TMEM11: variants seen among roughly 807,000 people sequenced by gnomAD.
TMEM11 encodes the protein transmembrane protein 11, also known as transmembrane protein 11, mitochondrial.
In TMEM11, 1 loss-of-function variant was observed where a neutral mutation model predicts 17.0. That is an observed-to-expected ratio of 0.06 (90% CI 0.02 to 0.28). The LOEUF (loss-of-function observed/expected upper bound fraction) is 0.28. Among genes scored for constraint, TMEM11 ranks in the 10% least tolerant of loss-of-function variants. The probability of loss-of-function intolerance (pLI) is 1.00; values close to 1 mark genes in which losing one functional copy is unlikely to be tolerated. For missense variants in TMEM11, 172 were observed against 252.9 expected, an observed-to-expected ratio of 0.68 and a Z score of 2.17; for synonymous variants, 122 against 118.1, an observed-to-expected ratio of 1.03 and a Z score of -0.21.
intron 1 of TMEM11, among the ~76,000 whole-genome samples, chr17:21,207,034 A>C (rs1974949583): frequency 6.6e-6 from 1 of 152,120 alleles, no homozygotes; most frequent in Non-Finnish European, 1.5e-5. Flanking sequence ...CCAGCCCTCC[A>C]CAACCACCAG....
intron 1 of TMEM11, among the ~76,000 whole-genome samples, chr17:21,212,140 G>A (rs985031222): frequency 2.0e-5 from 3 of 152,150 alleles, no homozygotes; most frequent in Non-Finnish European, 4.4e-5. Context: ...CCTGGCTAGG[G>A]GTTTACAGCA....
At position 21,198,181 on chromosome 17, in the gene TMEM11, C is replaced by T. The variant is rs930553677; in HGVS notation, c.*143G>A. On this transcript the variant is annotated 3_prime_UTR_variant, in exon 2 of 2. Transcript: ENST00000317635. This position sits in a 1 kb window ranked among gnomAD's most constrained non-coding sequence, Gnocchi z 6.5. ...TGAGCTGAAAAACCCTGGGTACACC[C>T]GTGATCTGTTATTTTTTAAAAATAA... 2.1e-4 allele frequency: 235 copies of T among 1,095,906 alleles called. No individual in the cohort carries two copies. The highest frequency in any genetic ancestry group is 7.5e-5 in the Admixed American group (3 of 40,174). The allele number at this position is 1,095,906 out of a possible 1,614,324, so 67.9% of individuals were successfully genotyped here. A position where few individuals can be genotyped will look rare whatever the true frequency, so the allele number is the denominator to read the frequency against.
intron 1 of TMEM11, chr17:21,213,882 C>T (rs545319875): frequency 1.9e-5 from 11 of 578,448 alleles, no homozygotes; most frequent in African/African-American, 1.4e-4. Context: ...CCGGCTAACG[C>T]CCCTTCCCCT....
At chr17:21,206,811 T>C (rs1033936399) in intron 1 of TMEM11, among the ~76,000 whole-genome samples, 2 of 152,172 alleles carry the variant, frequency 1.3e-5, no homozygotes, top group Admixed American at 1.3e-4. Context: ...TGAGCCACCA[T>C]GCCTGGCCTG....
At chr17:21,209,791 C>A (rs1419576150) in intron 1 of TMEM11, among the ~76,000 whole-genome samples, 1 of 152,070 alleles carries the variant, frequency 6.6e-6, no homozygotes, top group Non-Finnish European at 1.5e-5. Flanking sequence ...ATAAATGAAA[C>A]CTCAGTTCCT....
chr17:21,202,918 G>A (rs1018358590), intron 1 of TMEM11, among the ~76,000 whole-genome samples: 4 of 152,200 alleles, frequency 2.6e-5, no homozygotes, highest in Admixed American at 6.5e-5. Context: ...CCATGGCCCC[G>A]GCCTCCTGCA....
intron 1 of TMEM11, among the ~76,000 whole-genome samples, chr17:21,209,709 C>T (rs887488200): frequency 1.3e-5 from 2 of 152,132 alleles, no homozygotes; most frequent in Non-Finnish European, 2.9e-5. Flanking sequence ...ACGGAGGTTG[C>T]AGAGATCCGA....
chr17:21,204,452 A>T (rs1324844624), intron 1 of TMEM11, among the ~76,000 whole-genome samples: 1 of 151,654 alleles, frequency 6.6e-6, no homozygotes, highest in Admixed American at 6.6e-5. Flanking sequence ...AAAAAAAAAA[A>T]AAAAAAAGAG....
At position 21,198,848 on chromosome 17, in the gene TMEM11, T is replaced by C; in HGVS notation, c.63-8A>G. On this transcript the variant is annotated splice_polypyrimidine_tract_variant and splice_region_variant and intron_variant, in intron 1 of 1. Coordinates refer to ENST00000317635, the MANE Select transcript of TMEM11 (RefSeq NM_003876.3). This position sits in a 1 kb window ranked among gnomAD's most constrained non-coding sequence, Gnocchi z 6.5. ...GTGGCCGACAAGCTCACCCTTTTGA[T>C]GGAGGGGGCAGGAAAGGGAGAGAGA... is the stretch of plus-strand genomic sequence containing the variant. The C allele has an allele frequency of 6.2e-7, 1 of 1,603,326 alleles. No homozygotes were observed. Among genetic ancestry groups the C allele is most frequent in the Non-Finnish European group, 8.5e-7 (1 of 1,173,408 alleles).
In TMEM11 at chr17:21,198,914, G is replaced by A; in HGVS notation, c.63-74C>T. 6.6e-7 allele frequency: 1 copy of A among 1,516,324 alleles called. No individual in the cohort carries two copies. Among genetic ancestry groups the A allele is most frequent in the Non-Finnish European group, 8.9e-7 (1 of 1,127,522 alleles). The allele number at this position is 1,516,324 out of a possible 1,614,324, so 93.9% of individuals were successfully genotyped here. ...ATTAGGCTGAGGAGCACTTAACTGT[G>A]TTTCAGCGCTGGGGGAGGTCTGAGC... On this transcript the variant is annotated intron_variant, in intron 1 of 1. Coordinates refer to ENST00000317635, the MANE Select transcript of TMEM11 (RefSeq NM_003876.3). The surrounding 1 kb of genome is among the most constrained non-coding windows in gnomAD (Gnocchi z 6.5).
At position 21,205,791 on chromosome 17, in the gene TMEM11, A is replaced by G. The variant is rs867160443; in HGVS notation, c.63-6951T>C. On this transcript the variant is annotated intron_variant, in intron 1 of 1. Transcript: ENST00000317635. ...TATACAAGTACTTCATACAAGTTGGATCATATATAGTATATGCCCTTTTGT... is the reference window on the plus strand; with the variant it reads ...TATACAAGTACTTCATACAAGTTGGGTCATATATAGTATATGCCCTTTTGT... Among the ~76,000 whole-genome samples the G allele has an allele frequency of 7.9e-5, 12 of 152,038 alleles. 1 individual carries two copies. Among genetic ancestry groups the G allele is most frequent in the Middle Eastern group, 6.8e-3 (2 of 292 alleles).
intron 1 of TMEM11, among the ~76,000 whole-genome samples, chr17:21,205,637 C>T (rs1224133329): frequency 6.6e-6 from 1 of 152,032 alleles, no homozygotes; most frequent in Non-Finnish European, 1.5e-5. Flanking sequence ...CAACCATCAC[C>T]ACCATCCACC....
chr17:21,205,386 G>A lies in TMEM11; in HGVS notation c.63-6546C>T, dbSNP rs372172828. On this transcript the variant is annotated intron_variant, in intron 1 of 1. Transcript: ENST00000317635. ...TTCTAAGGCGGCAGAGCTCAGGGAC[G>A]TGCCACTGAAAGCCAACTATAAGGA... Among the ~76,000 whole-genome samples, 9 of 152,152 alleles carry A rather than the reference G, an allele frequency of 5.9e-5. 1 individual carries two copies. The highest frequency in any genetic ancestry group is 1.4e-4 in the African/African-American group (6 of 41,436).
rs370316358 is a variant in TMEM11, at chr17:21,198,177, C to T, written c.*147G>A. ...GTAATGAGCTGAAAAACCCTGGGTA[C>T]ACCCGTGATCTGTTATTTTTTAAAA... On this transcript the variant is annotated 3_prime_UTR_variant, in exon 2 of 2. Coordinates refer to ENST00000317635, the MANE Select transcript of TMEM11 (RefSeq NM_003876.3). The surrounding 1 kb of genome is among the most constrained non-coding windows in gnomAD (Gnocchi z 6.5). The T allele has an allele frequency of 4.2e-5, 44 of 1,040,526 alleles. No individual in the cohort carries two copies. The African/African-American group carries it at 4.7e-4, about 11-fold the overall frequency. 64.5% of individuals were successfully genotyped at this position (1,040,526 alleles called of 1,614,324 possible). A position where few individuals can be genotyped will look rare whatever the true frequency, so the allele number is the denominator to read the frequency against.
At chr17:21,213,414 T>C (rs1160646516) in intron 1 of TMEM11, 2 of 152,260 alleles carry the variant, frequency 1.3e-5, no homozygotes, top group African/African-American at 4.8e-5. Context: ...TGGAGGTCCC[T>C]GTTGGAAGAA....
At chr17:21,209,308 C>G (rs948217299) in intron 1 of TMEM11, among the ~76,000 whole-genome samples, 4 of 152,226 alleles carry the variant, frequency 2.6e-5, no homozygotes, top group African/African-American at 9.7e-5. Context: ...GGGCAAAACA[C>G]CCGGCCCCTC....
chr17:21,203,230 A>C (rs1256958556), intron 1 of TMEM11, among the ~76,000 whole-genome samples: 1 of 152,170 alleles, frequency 6.6e-6, no homozygotes, highest in Non-Finnish European at 1.5e-5. Context: ...ACACAGACGC[A>C]CCCAAAGCCG....
rs899963166 is a variant in TMEM11, at chr17:21,198,522, C to T, written c.381G>A (p.Gln127=). Reference sequence around the variant, plus strand: ...CTTGGTACTTGCAGCAAGGGTCAAACTGCCAGGAGATCCCATAGAGGGTGC... The same window carrying T: ...CTTGGTACTTGCAGCAAGGGTCAAATTGCCAGGAGATCCCATAGAGGGTGC... ...ACCTLYGISW[Q]FDPCCKYQVE... is the part of the protein sequence containing the mutation. Residue 127 remains glutamine (Q), a synonymous_variant, in exon 2 of 2, where the codon CAG becomes CAA. Transcript: ENST00000317635. This position sits in a 1 kb window ranked among gnomAD's most constrained non-coding sequence, Gnocchi z 6.5. 7 of 1,614,152 alleles carry T rather than the reference C, an allele frequency of 4.3e-6. No individual in the cohort carries two copies. Among genetic ancestry groups the T allele is most frequent in the Non-Finnish European group, 5.9e-6 (7 of 1,180,064 alleles).
intron 1 of TMEM11, among the ~76,000 whole-genome samples, chr17:21,203,267 G>A (rs967874332): frequency 5.9e-5 from 9 of 152,160 alleles, no homozygotes; most frequent in South Asian, 2.1e-4. Context: ...GAGCTCACCC[G>A]GCCACGACCA....
Sources: gnomAD v4.1 joint callset for allele counts (sites outside exome capture counted in the v4.1 genomes callset) on GRCh38, gnomAD v4.1.1 for gene constraint, Gnocchi (gnomAD v3.1) non-coding constraint, MANE v1.5 for transcripts, NCBI Gene and HGNC (gene_info 2026-07-23, HGNC 2026-07-21) for gene names.